Variants in ABCD4 observed in about 807,000 individuals in gnomAD.
The protein encoded by ABCD4 is lysosomal cobalamin transporter ABCD4.
ABCD4 carries 53 observed loss-of-function variants against 86.3 expected under a neutral mutation model. The observed-to-expected ratio is 0.61, with a 90% CI of 0.49 to 0.77. ABCD4 has a LOEUF of 0.77. ABCD4 is among the 30% of genes least tolerant of loss of function. ABCD4 has a pLI of 0.00. For missense variants in ABCD4, 757 were observed against 764.5 expected, an observed-to-expected ratio of 0.99 and a Z score of 0.12; for synonymous variants, 328 against 313.6, an observed-to-expected ratio of 1.05 and a Z score of -0.49.
rs1447375922 is a variant in ABCD4 at position 74,286,340 on chromosome 14, G to A, written c.*121C>T. 12 of 1,054,472 alleles carry A rather than the reference G, an allele frequency of 1.1e-5. No homozygotes were observed. The highest frequency in any genetic ancestry group is 1.7e-5 in the Non-Finnish European group (12 of 693,192). 65.3% of individuals were successfully genotyped at this position (1,054,472 alleles called of 1,614,324 possible). A position where few individuals can be genotyped will look rare whatever the true frequency, so the allele number is the denominator to read the frequency against. On this transcript the variant is annotated 3_prime_UTR_variant, in exon 19 of 19. Coordinates refer to ENST00000356924, the MANE Select transcript of ABCD4 (RefSeq NM_005050.4). ...GCTAGGGGTCCTGCACAGGACCCATGTGGCTCCTGCACGGGATCTATGTGG... is the reference window on the plus strand; with the variant it reads ...GCTAGGGGTCCTGCACAGGACCCATATGGCTCCTGCACGGGATCTATGTGG...
chr14:74,293,655 G>A (rs2082121915), intron 7 of ABCD4: 1 of 158,506 alleles, frequency 6.3e-6, no homozygotes, highest in Non-Finnish European at 1.4e-5. Context: ...AAAAACTATT[G>A]TTAAATAAAC....
intron 13 of ABCD4, 83 bp from the exon 14 acceptor site, chr14:74,289,602 C>T: frequency 6.4e-7 from 1 of 1,568,152 alleles, no homozygotes; most frequent in Non-Finnish European, 8.6e-7. Flanking sequence ...CTCCAGAACC[C>T]ACTGGAACCT....
At chr14:74,291,271 T>C (rs2081416107) in intron 11 of ABCD4, among the ~76,000 whole-genome samples, 1 of 152,236 alleles carries the variant, frequency 6.6e-6, no homozygotes, top group Admixed American at 6.5e-5. Context: ...AGCACATTAA[T>C]ACAGGGGTAG....
At position 74,286,547 on chromosome 14, in the gene ABCD4, C is replaced by G. The variant is rs772567988; in HGVS notation, c.1753-18G>C. The G allele has an allele frequency of 6.2e-7, 1 of 1,614,226 alleles. No individual in the cohort carries two copies. The highest frequency in any genetic ancestry group is 1.1e-5 in the South Asian group (1 of 91,080). On this transcript the variant is annotated intron_variant, in intron 18 of 18. Coordinates refer to ENST00000356924, the MANE Select transcript of ABCD4 (RefSeq NM_005050.4). ...GAATGAAACTACAAGAGACCACCACCACATGGAGATCAGGCTGCCCTGGCC... is the reference window on the plus strand; with the variant it reads ...GAATGAAACTACAAGAGACCACCACGACATGGAGATCAGGCTGCCCTGGCC...
intron 5 of ABCD4, 49 bp from the exon 6 acceptor site, chr14:74,296,028 T>C: frequency 3.9e-6 from 6 of 1,554,624 alleles, no homozygotes; most frequent in Non-Finnish European, 4.3e-6. Flanking sequence ...GGGTGCCACC[T>C]ATCCCCACAT....
chr14:74,296,533 C>G, intron 4 of ABCD4, 84 bp from the exon 5 acceptor site: 4 of 1,256,184 alleles, frequency 3.2e-6, no homozygotes, highest in Non-Finnish European at 4.6e-6. Flanking sequence ...ATCACCTCTG[C>G]TCTTGACCTT....
chr14:74,295,924 C>T lies in ABCD4; in HGVS notation c.598G>A (p.Val200Met). ...IFGYFILGTV[V>M]NKTLMGPIVM... ...ATGGGGCCCATCAAAGTTTTGTTCA[C>T]CACGGTCCCCAGGATGAAATACCCG... Residue 200 changes from valine to methionine, a missense_variant, in exon 6 of 19, where the codon GTG becomes ATG. Physicochemically the swap from Val to Met is conservative, Grantham distance 21. Transcript: ENST00000356924. The T allele has an allele frequency of 6.2e-7, 1 of 1,612,860 alleles. No homozygotes were observed. Among genetic ancestry groups the T allele is most frequent in the Non-Finnish European group, 8.5e-7 (1 of 1,179,756 alleles).
At position 74,297,956 on chromosome 14, in the gene ABCD4, G is replaced by T; in HGVS notation, c.399C>A (p.Asn133Lys). Residue 133 changes from asparagine (N) to lysine (K), a missense_variant, in exon 4 of 19, where the codon AAC becomes AAA. Physicochemically the swap from Asn to Lys is moderately conservative, Grantham distance 94. Coordinates refer to ENST00000356924, the MANE Select transcript of ABCD4 (RefSeq NM_005050.4). The stretch of plus-strand genomic sequence containing the variant: ...GGTTATCGATGTCATCCCGCAGCAC[G>T]TTGAGGGTGTAGTACGCACGGCCCC... ...YFRGRAYYTL[N>K]VLRDDIDNPD... 6.2e-7 allele frequency: 1 copy of T among 1,613,814 alleles called. No individual in the cohort carries two copies. The highest frequency in any genetic ancestry group is 8.5e-7 in the Non-Finnish European group (1 of 1,179,922).
chr14:74,293,641 A>C (rs1427055486), intron 7 of ABCD4: 2 of 161,210 alleles, frequency 1.2e-5, no homozygotes, highest in African/African-American at 4.8e-5. Flanking sequence ...AGCCCTCAAT[A>C]AATAAAAACT....
chr14:74,297,711 C>A lies in ABCD4; in HGVS notation c.425+219G>T. 2.4e-6 allele frequency: 3 copies of A among 1,275,458 alleles called. No homozygotes were observed. The South Asian group carries it at 6.7e-5, about 28-fold the overall frequency. 79.0% of individuals were successfully genotyped at this position (1,275,458 alleles called of 1,614,324 possible). A position where few individuals can be genotyped will look rare whatever the true frequency, so the allele number is the denominator to read the frequency against. ...AGTTGTTGGGACTACAGGTGCATGC[C>A]ACTGCACCTGGCAGGCTTCTTCTTT... is the stretch of plus-strand genomic sequence containing the variant. On this transcript the variant is annotated intron_variant, in intron 4 of 18. Transcript: ENST00000356924.
At chr14:74,289,433 G>A in intron 14 of ABCD4, 50 bp downstream of exon 14, 1 of 1,611,344 alleles carries the variant, frequency 6.2e-7, no homozygotes, top group Non-Finnish European at 8.5e-7. Flanking sequence ...GGTAGAGCAG[G>A]GACAACCATG....
At chr14:74,288,126 G>T in intron 16 of ABCD4, 81 bp downstream of exon 16, 1 of 1,489,538 alleles carries the variant, frequency 6.7e-7, no homozygotes, top group Non-Finnish European at 9.2e-7. Context: ...GTCAGGAGCC[G>T]TTCCATTCCT....
chr14:74,289,590 C>A (rs369394310), intron 13 of ABCD4, 71 bp from the exon 14 acceptor site: 1 of 1,574,902 alleles, frequency 6.3e-7, no homozygotes, highest in East Asian at 2.3e-5. Context: ...AGCCCACCCT[C>A]CCTCCAGAAC....
At chr14:74,300,317 C>G in intron 1 of ABCD4, 49 bp from the exon 2 acceptor site, 3 of 1,230,238 alleles carry the variant, frequency 2.4e-6, no homozygotes, top group South Asian at 1.2e-5. Flanking sequence ...AATAATTAAG[C>G]CTTAGGGAGT....
chr14:74,300,840 A>G (rs1233053392), intron 1 of ABCD4, among the ~76,000 whole-genome samples: 1 of 152,080 alleles, frequency 6.6e-6, no homozygotes, highest in East Asian at 1.9e-4. Context: ...CAGAGTGCAA[A>G]ACCAACAAGG....
intron 17 of ABCD4, 69 bp downstream of exon 17, chr14:74,287,741 G>C: frequency 6.9e-7 from 1 of 1,451,722 alleles, no homozygotes; most frequent in South Asian, 1.2e-5. Context: ...GGGTGCCTGT[G>C]AACACATGCT....
intron 13 of ABCD4, 79 bp downstream of exon 13, chr14:74,289,948 C>G: frequency 6.2e-7 from 1 of 1,604,354 alleles, no homozygotes. Context: ...GGACCTGAGA[C>G]TTGTCACAGT....
At chr14:74,293,098 G>A in intron 8 of ABCD4, 56 bp downstream of exon 8, 1 of 1,560,352 alleles carries the variant, frequency 6.4e-7, no homozygotes, top group Non-Finnish European at 8.8e-7. Context: ...GGTGTGGGAA[G>A]GGAAGCAGAC....
chr14:74,292,087 C>T lies in ABCD4; in HGVS notation c.1118+200G>A, dbSNP rs72730108. 9.1e-3 allele frequency among the ~76,000 whole-genome samples: 1,386 copies of T among 152,108 alleles called. 13 individuals are homozygous for T. Among genetic ancestry groups the T allele is most frequent in the Non-Finnish European group, 0.016 (1,067 of 68,010 alleles). Reference sequence around the variant, plus strand: ...GTGTGTGTACTTTGCTTCCACTGGCCGGGGAATGGTGTAAATTAACACAAC... The same window carrying T: ...GTGTGTGTACTTTGCTTCCACTGGCTGGGGAATGGTGTAAATTAACACAAC... On this transcript the variant is annotated intron_variant, in intron 11 of 18. Transcript: ENST00000356924.
Sources: allele counts gnomAD v4.1 joint callset (sites outside exome capture counted in the v4.1 genomes callset), GRCh38; gene constraint gnomAD v4.1.1; transcripts MANE v1.5; gene names NCBI Gene and HGNC (gene_info 2026-07-23, HGNC 2026-07-21).